Variants in GTPBP4 observed in about 807,000 individuals in gnomAD.
GTPBP4 encodes the protein GTP binding protein 4, also known as GTP-binding protein 4.
Under a neutral mutation model 81.7 loss-of-function variants are expected in GTPBP4, and 15 were observed. The ratio of observed to expected loss-of-function variants is 0.18; its 90% confidence interval spans 0.12 to 0.28. The LOEUF (loss-of-function observed/expected upper bound fraction) is 0.28, where lower values mean the gene tolerates loss of function less well. Among genes scored for constraint, GTPBP4 ranks in the 10% least tolerant of loss-of-function variants. GTPBP4 has a pLI of 1.00. For missense variants in GTPBP4, 847 were observed against 793.8 expected, an observed-to-expected ratio of 1.07 and a Z score of -0.81; for synonymous variants, 272 against 274.6, an observed-to-expected ratio of 0.99 and a Z score of 0.09.
At position 1,017,097 on chromosome 10, in the gene GTPBP4, T is replaced by C. The variant is rs762370250; in HGVS notation, c.1775T>C (p.Met592Thr). 1.1e-4 allele frequency: 180 copies of C among 1,613,566 alleles called. No homozygotes were observed. The highest frequency in any genetic ancestry group is 1.5e-4 in the Non-Finnish European group (176 of 1,179,740). ...TAGATGGTGAAGAAAGCCAAGACTA[T>C]GATGAAGAATGCTCAGAAGAAGATG... ...DVKMVKKAKT[M>T]MKNAQKKMNR... The change falls in exon 17 of 17, where the codon ATG (methionine) becomes ACG (threonine). Residue 592 changes from methionine (M) to threonine (T), a missense_variant. Physicochemically the swap from Met to Thr is moderately conservative, Grantham distance 81. Transcript: ENST00000360803.
At position 1,017,148 on chromosome 10, in the gene GTPBP4, C is replaced by T. The variant is rs1184843172; in HGVS notation, c.1826C>T (p.Ala609Val). Residue 609 changes from alanine (A) to valine (V), a missense_variant, in exon 17 of 17, where the codon GCG becomes GTG. Ala to Val is a moderately conservative substitution (Grantham distance 64, BLOSUM62 0). Around this residue, in one of 3 missense-constraint regions of GTPBP4, gnomAD observed 600 missense variants for 557.1 expected, o/e 1.08. Transcript: ENST00000360803. The part of the protein sequence containing the change: ...KMNRLGKKGE[A>V]DRHVFDMKPK... ...AATCGGTTGGGGAAGAAAGGGGAGG[C>T]GGATAGACACGTGTTTGATATGAAG... The T allele has an allele frequency of 6.2e-6, 10 of 1,613,264 alleles. No individual in the cohort carries two copies. Among genetic ancestry groups the T allele is most frequent in the Non-Finnish European group, 7.6e-6 (9 of 1,179,294 alleles).
intron 8 of GTPBP4, among the ~76,000 whole-genome samples, chr10:1,005,249 C>T (rs907550990): frequency 1.3e-5 from 2 of 152,130 alleles, no homozygotes; most frequent in Non-Finnish European, 2.9e-5. Context: ...AGGTTCACAC[C>T]ATTCTCCTGC....
intron 14 of GTPBP4, 47 bp downstream of exon 14, chr10:1,012,709 T>C: frequency 6.0e-6 from 8 of 1,334,488 alleles, no homozygotes; most frequent in Non-Finnish European, 8.5e-6. Context: ...TTTTGAAAAT[T>C]GGATTCCTGT....
At chr10:1,014,760 C>T (rs4880756) in intron 15 of GTPBP4, among the ~76,000 whole-genome samples, 148,451 of 152,244 alleles carry the variant, frequency 0.98, 72,500 homozygotes, top group East Asian at 1. Flanking sequence ...TTTTGAGATT[C>T]GCTGGCCCTG....
intron 13 of GTPBP4, 72 bp from the exon 14 acceptor site, chr10:1,012,393 A>G: frequency 1.9e-6 from 2 of 1,041,854 alleles, no homozygotes; most frequent in Non-Finnish European, 2.8e-6. Context: ...TCCCATACAC[A>G]CTCTGCCACA....
At chr10:1,009,491 CA>C in intron 11 of GTPBP4, 37 bp from the exon 12 acceptor site, 2 of 1,442,380 alleles carry the variant, frequency 1.4e-6, no homozygotes, top group Non-Finnish European at 2.0e-6. Flanking sequence ...ATCTGAAAGG[CA>C]AAATGAAGCT....
intron 5 of GTPBP4, among the ~76,000 whole-genome samples, chr10:998,107 T>G (rs1411574011): frequency 6.6e-6 from 1 of 152,112 alleles, no homozygotes; most frequent in Non-Finnish European, 1.5e-5. Context: ...TTGTTGAAAC[T>G]TTTTCTTTTT....
chr10:1,019,295 A>C lies in GTPBP4; in HGVS notation c.*2068A>C, dbSNP rs1416118095. 5.9e-6 allele frequency: 3 copies of C among 512,734 alleles called. No homozygotes were observed. The highest frequency in any genetic ancestry group is 6.9e-6 in the Non-Finnish European group (2 of 289,176). The allele number at this position is 512,734 out of a possible 1,614,324, so 31.8% of individuals were successfully genotyped here. A position where few individuals can be genotyped will look rare whatever the true frequency, so the allele number is the denominator to read the frequency against. On this transcript the variant is annotated 3_prime_UTR_variant, in exon 17 of 17. Coordinates refer to ENST00000360803, the MANE Select transcript of GTPBP4 (RefSeq NM_012341.3). Reference sequence around the variant, plus strand: ...GGAAATTGGGACAAAGGAAATGTTAAATTTCCTCCCTGCAACCAGGCAGAT... The same window carrying C: ...GGAAATTGGGACAAAGGAAATGTTACATTTCCTCCCTGCAACCAGGCAGAT...
intron 13 of GTPBP4, among the ~76,000 whole-genome samples, chr10:1,012,142 G>A (rs1187594551): frequency 1.3e-5 from 2 of 152,244 alleles, no homozygotes; most frequent in Non-Finnish European, 1.5e-5. Context: ...AGTTCCTTGT[G>A]TGTGTCTGCC....
intron 4 of GTPBP4, 64 bp downstream of exon 4, chr10:996,306 G>C: frequency 7.0e-7 from 1 of 1,436,144 alleles, no homozygotes; most frequent in Non-Finnish European, 9.5e-7. Flanking sequence ...TCCTTGTTGA[G>C]GACTTGAGAT....
At chr10:1,008,074 ATT>A (rs1387783156) in intron 10 of GTPBP4, 2 of 456,930 alleles carry the variant, frequency 4.4e-6, no homozygotes, top group Non-Finnish European at 8.8e-6. Context: ...TCAGGTTTGC[ATT>A]GTACATAGAA....
In GTPBP4 at chr10:1,000,765, G is replaced by A. The variant is rs150247999; in HGVS notation, c.743G>A (p.Arg248His). 1.5e-3 allele frequency: 2,341 copies of A among 1,608,174 alleles called. 3 individuals carry two copies. The highest frequency in any genetic ancestry group is 1.8e-3 in the Non-Finnish European group (2,151 of 1,176,924). The part of the protein sequence containing the change: ...MQAITALAHL[R>H]AAVLYVMDLS... ...GCCATCACTGCCCTGGCCCACCTCC[G>A]TGCTGCGGTCCTGTATGTGATGGAT... Residue 248 changes from arginine to histidine, a missense_variant, in exon 7 of 17, where the codon CGT (arginine) becomes CAT (histidine). This residue lies in a region of GTPBP4 where 600 missense variants were observed against 557.1 expected (regional missense o/e 1.08). Transcript: ENST00000360803.
rs768085383 is a variant in GTPBP4, at chr10:1,004,437, C to A, written c.913-1381C>A. ...CCTCGGCTCAGCCCCTGCCCTGTTT[C>A]CCTGGGGTGTGGAGTACAATGTCAG... is the stretch of plus-strand genomic sequence containing the variant. On this transcript the variant is annotated intron_variant, in intron 8 of 16. Coordinates refer to ENST00000360803, the MANE Select transcript of GTPBP4 (RefSeq NM_012341.3). Among the ~76,000 whole-genome samples the A allele has an allele frequency of 6.7e-4, 102 of 152,104 alleles. 2 individuals are homozygous for A. Among genetic ancestry groups the A allele is most frequent in the Admixed American group, 6.0e-3 (92 of 15,268 alleles).
chr10:1,013,470 C>T (rs192657209), intron 14 of GTPBP4, among the ~76,000 whole-genome samples: 3,088 of 144,992 alleles, frequency 0.021, 116 homozygotes, highest in African/African-American at 0.071. Context: ...ATTAGCTGGG[C>T]GTGGTGGCGG....
chr10:1,008,179 G>A (rs1293766920), intron 10 of GTPBP4: 10 of 453,134 alleles, frequency 2.2e-5, no homozygotes, highest in African/African-American at 6.0e-5. Context: ...CTGGGAGGCC[G>A]AGGCGGGTGG....
chr10:990,220 A>G (rs1831417889), intron 1 of GTPBP4, among the ~76,000 whole-genome samples: 1 of 152,088 alleles, frequency 6.6e-6, no homozygotes, highest in Admixed American at 6.5e-5. Flanking sequence ...AGTGAGATTT[A>G]TATTTTTAGA....
At position 1,005,982 on chromosome 10, in the gene GTPBP4, A is replaced by T; in HGVS notation, c.1002+75A>T. On this transcript the variant is annotated intron_variant, in intron 9 of 16. Coordinates refer to ENST00000360803, the MANE Select transcript of GTPBP4 (RefSeq NM_012341.3). ...GATTCAAGTCAGTTGTGGGGAGAAA[A>T]TAGTTTTCTTTCTAGACATTGTTAA... is the stretch of plus-strand genomic sequence containing the variant. 2.5e-6 allele frequency: 2 copies of T among 805,494 alleles called. 1 individual carries two copies. The highest frequency in any genetic ancestry group is 3.4e-5 in the South Asian group (2 of 58,286). The allele number at this position is 805,494 out of a possible 1,614,324, so 49.9% of individuals were successfully genotyped here.
chr10:1,019,506 C>A lies in GTPBP4; in HGVS notation c.*2279C>A. ...GGGCATTACACATGGCTGACTCGACCTCCCTGCCTCTCACACTCTGTGTAT... is the reference window on the plus strand; with the variant it reads ...GGGCATTACACATGGCTGACTCGACATCCCTGCCTCTCACACTCTGTGTAT... On this transcript the variant is annotated 3_prime_UTR_variant, in exon 17 of 17. Transcript: ENST00000360803. The A allele has an allele frequency of 3.1e-6, 5 of 1,604,344 alleles. No homozygotes were observed. Among genetic ancestry groups the A allele is most frequent in the Admixed American group, 1.7e-5 (1 of 59,614 alleles).
At chr10:994,183 G>A (rs1184272314) in intron 2 of GTPBP4, among the ~76,000 whole-genome samples, 1 of 152,254 alleles carries the variant, frequency 6.6e-6, no homozygotes, top group African/African-American at 2.4e-5. Flanking sequence ...TGTTGAATGA[G>A]TGAATGGTTT....
Sources: gnomAD v4.1 joint callset for allele counts (sites outside exome capture counted in the v4.1 genomes callset) on GRCh38, gnomAD v4.1.1 for gene constraint, gnomAD v4.1.1 regional missense constraint, MANE v1.5 for transcripts, NCBI Gene and HGNC (gene_info 2026-07-23, HGNC 2026-07-21) for gene names.